RAB2B: variants seen among roughly 807,000 people sequenced by gnomAD.
The protein encoded by RAB2B is ras-related protein Rab-2B.
A neutral mutation model predicts 29.8 loss-of-function variants in RAB2B; 20 were observed. The observed-to-expected ratio is 0.67, with a 90% confidence interval of 0.47 to 0.97. RAB2B has a LOEUF of 0.97. Among genes scored for constraint, RAB2B ranks in the 50% least tolerant of loss-of-function variants. The pLI is 0.00. For missense variants in RAB2B, 218 were observed against 272.0 expected (o/e 0.80, Z 1.40); for synonymous variants, 93 against 91.7 (o/e 1.01, Z -0.08).
chr14:21,466,803 G>C (rs1180057905), intron 5 of RAB2B, among the ~76,000 whole-genome samples: 3 of 152,234 alleles, frequency 2.0e-5, no homozygotes, highest in African/African-American at 4.8e-5. Flanking sequence ...AATGGGAAAT[G>C]AGAGTAGCAG....
At chr14:21,467,708 A>G (rs1284165353) in intron 5 of RAB2B, among the ~76,000 whole-genome samples, 1 of 152,170 alleles carries the variant, frequency 6.6e-6, no homozygotes, top group African/African-American at 2.4e-5. Context: ...CAGCAATCCC[A>G]CTTCTGGGCA....
intron 5 of RAB2B, among the ~76,000 whole-genome samples, chr14:21,466,960 G>A (rs956136674): frequency 1.6e-4 from 25 of 151,934 alleles, no homozygotes; most frequent in African/African-American, 5.6e-4. Flanking sequence ...TGGCTGGAGT[G>A]CAGTGGCACT....
intron 7 of RAB2B, 45 bp downstream of exon 7, chr14:21,462,305 C>A: frequency 1.3e-6 from 2 of 1,559,024 alleles, no homozygotes; most frequent in South Asian, 1.2e-5. Context: ...CAGTTGTATT[C>A]AGAACAAGCC....
At chr14:21,475,601 T>C (rs1890933635) in intron 2 of RAB2B, among the ~76,000 whole-genome samples, 6 of 152,148 alleles carry the variant, frequency 3.9e-5, no homozygotes, top group Admixed American at 3.9e-4. Flanking sequence ...ACCTAATTTT[T>C]TTAACAATAC....
chr14:21,475,384 TTTTC>T (rs980561753), intron 2 of RAB2B, among the ~76,000 whole-genome samples: 8 of 152,106 alleles, frequency 5.3e-5, no homozygotes, highest in African/African-American at 1.9e-4. Context: ...TTCCAGATGT[TTTTC>T]TTTAAGAAAA....
intron 3 of RAB2B, 106 bp from the exon 4 acceptor site, chr14:21,468,858 G>T (rs1434987538): frequency 5.2e-6 from 3 of 579,322 alleles, no homozygotes; most frequent in Non-Finnish European, 8.2e-6. Context: ...ACTAAAAAAA[G>T]AATTTCTATT....
In RAB2B at chr14:21,460,672, G is replaced by A. The variant is rs1261118892; in HGVS notation, c.*524C>T. 6.5e-6 allele frequency: 1 copy of A among 154,298 alleles called. No individual in the cohort carries two copies. Among genetic ancestry groups the A allele is most frequent in the East Asian group, 1.9e-4 (1 of 5,244 alleles). 9.6% of individuals were successfully genotyped at this position (154,298 alleles called of 1,614,324 possible). On this transcript the variant is annotated 3_prime_UTR_variant, in exon 8 of 8. Coordinates refer to ENST00000397762, the MANE Select transcript of RAB2B (RefSeq NM_032846.4). ...CTTGTTGCCCAGGCTGCAGTGCAAT[G>A]GCGTGATCTTGGCTTAGCGTAACCT...
At chr14:21,474,712 A>G in intron 3 of RAB2B, 155 bp downstream of exon 3, 1 of 608,246 alleles carries the variant, frequency 1.6e-6, no homozygotes, top group East Asian at 2.8e-5. Flanking sequence ...CAGAATTTGT[A>G]ACTGTAACAG....
chr14:21,468,748 C>T lies in RAB2B; in HGVS notation c.191G>A (p.Gly64Glu). The T allele has an allele frequency of 6.5e-7, 1 of 1,528,556 alleles. No homozygotes were observed. Among genetic ancestry groups the T allele is most frequent in the Middle Eastern group, 1.8e-4 (1 of 5,682 alleles). The allele number at this position is 1,528,556 out of a possible 1,614,324, so 94.7% of individuals were successfully genotyped here. ...QIKLQIWDTA[G>E]QESFRSITRS... ...GGTGATAGAACGGAAGGATTCTTGC[C>T]CAGCCTTTCCCACCAACATGGCAAC... The change falls in exon 4 of 8, where the codon GGG becomes GAG. Residue 64 changes from glycine (G) to glutamate (E), a missense_variant. By Grantham distance (98) the Gly-to-Glu change is moderately conservative (BLOSUM62 -2). Transcript: ENST00000397762.
At chr14:21,468,634 G>T in intron 4 of RAB2B, 36 bp downstream of exon 4, 1 of 1,493,196 alleles carries the variant, frequency 6.7e-7, no homozygotes, top group Non-Finnish European at 9.0e-7. Context: ...AGGATTTAGG[G>T]AAGAATCTCC....
intron 4 of RAB2B, 65 bp from the exon 5 acceptor site, chr14:21,468,514 C>T (rs759649952): frequency 2.0e-5 from 29 of 1,468,906 alleles, no homozygotes; most frequent in Non-Finnish European, 2.4e-5. Flanking sequence ...CAACTCCAAG[C>T]GTATACGAAA....
chr14:21,476,706 C>T (rs1425431544), intron 1 of RAB2B, 107 bp from the exon 2 acceptor site: 18 of 1,593,572 alleles, frequency 1.1e-5, no homozygotes, highest in Non-Finnish European at 1.5e-5. Context: ...CCCCCGGCCG[C>T]CCCGAACCGC....
intron 3 of RAB2B, among the ~76,000 whole-genome samples, chr14:21,473,691 A>C (rs1479200246): frequency 6.6e-6 from 1 of 152,284 alleles, no homozygotes; most frequent in East Asian, 1.9e-4. Flanking sequence ...CGGCCTGGCC[A>C]ACATGGCAAA....
chr14:21,476,898 TC>T lies in RAB2B; in HGVS notation c.-27del. 1 of 1,612,624 alleles carries T rather than the reference TC, an allele frequency of 6.2e-7. No individual in the cohort carries two copies. Among genetic ancestry groups the T allele is most frequent in the Non-Finnish European group, 8.5e-7 (1 of 1,179,818 alleles). ...GGTGTCGCGTCCTCTGGGTTCCGGGTCCGCCCGACTTCTATAGCCACTTACC... is the reference window on the plus strand; with the variant it reads ...GGTGTCGCGTCCTCTGGGTTCCGGGTCGCCCGACTTCTATAGCCACTTACC... On this transcript the variant is annotated 5_prime_UTR_variant, in exon 1 of 8. Coordinates refer to ENST00000397762, the MANE Select transcript of RAB2B (RefSeq NM_032846.4).
rs1890989170 is a variant in RAB2B, at chr14:21,476,849, C to T, written c.24G>A (p.Lys8=). 1 of 1,613,502 alleles carries T rather than the reference C, an allele frequency of 6.2e-7. No individual in the cohort carries two copies. The highest frequency in any genetic ancestry group is 1.7e-5 in the Admixed American group (1 of 60,010). The change falls in exon 1 of 8, where the codon AAG becomes AAA. Residue 8 remains lysine, a synonymous_variant. Transcript: ENST00000397762. MTYAYLF[K]YIIIGDTGVG... ...TACCTGTGTCTCCGATGATGATATA[C>T]TTGAAGAGATAAGCATAAGTCATGG...
chr14:21,471,097 C>T (rs1283607050), intron 3 of RAB2B, among the ~76,000 whole-genome samples: 7 of 151,454 alleles, frequency 4.6e-5, no homozygotes, highest in South Asian at 2.1e-4. Context: ...TGCTTGAGCC[C>T]GGGAGGCAGA....
In RAB2B at chr14:21,469,400, T is replaced by C. The variant is rs542230782; in HGVS notation, c.187-648A>G. On this transcript the variant is annotated intron_variant, in intron 3 of 7. Coordinates refer to ENST00000397762, the MANE Select transcript of RAB2B (RefSeq NM_032846.4). ...CTTGCTGGGCTTCTGTCATGGGAAA[T>C]AGGAATAACAAACAGAGAAAGAAGC... is the stretch of plus-strand genomic sequence containing the variant. Among the ~76,000 whole-genome samples, 7 of 152,210 alleles carry C rather than the reference T, an allele frequency of 4.6e-5. No homozygotes were observed. In the East Asian group the frequency reaches 1.2e-3, roughly 25 times the overall value.
rs1194107254 is a variant in RAB2B, at chr14:21,459,677, T to G, written c.*1519A>C. 1 of 152,724 alleles carries G rather than the reference T, an allele frequency of 6.5e-6. No homozygotes were observed. Among genetic ancestry groups the G allele is most frequent in the Non-Finnish European group, 1.5e-5 (1 of 68,310 alleles). The allele number at this position is 152,724 out of a possible 1,614,324, so 9.5% of individuals were successfully genotyped here. A position where few individuals can be genotyped will look rare whatever the true frequency, so the allele number is the denominator to read the frequency against. ...AATAGACATATGAATAACCAACATA[T>G]GAAAACTAAGGAATATTGTGTTAAT... On this transcript the variant is annotated 3_prime_UTR_variant, in exon 8 of 8. Transcript: ENST00000397762.
chr14:21,461,181 G>A lies in RAB2B; in HGVS notation c.*15C>T. 2.5e-6 allele frequency: 4 copies of A among 1,590,646 alleles called. No homozygotes were observed. The highest frequency in any genetic ancestry group is 3.4e-6 in the Non-Finnish European group (4 of 1,163,420). On this transcript the variant is annotated 3_prime_UTR_variant, in exon 8 of 8. Transcript: ENST00000397762. Reference sequence around the variant, plus strand: ...AGCTATTCCAGGAAGGACAAAAAAAGTTCAAGCCAGATGTTCAGCAGCAGC... The same window carrying A: ...AGCTATTCCAGGAAGGACAAAAAAAATTCAAGCCAGATGTTCAGCAGCAGC...
Sources: allele counts gnomAD v4.1 joint callset (sites outside exome capture counted in the v4.1 genomes callset), GRCh38; gene constraint gnomAD v4.1.1; transcripts MANE v1.5; gene names NCBI Gene and HGNC (gene_info 2026-07-23, HGNC 2026-07-21).